The following FAT3 variants were observed in gnomAD, a reference collection of about 807,000 sequenced individuals.
FAT3 encodes the protein protocadherin Fat 3.
In FAT3, 95 loss-of-function variants were observed where a neutral mutation model predicts 310.2. The observed-to-expected ratio is 0.31, with a 90% confidence interval of 0.26 to 0.36. FAT3 has a LOEUF of 0.36. Among genes scored for constraint, FAT3 ranks in the 10% least tolerant of loss-of-function variants. FAT3 has a pLI of 1.00. For synonymous variants in FAT3, 2,314 were observed against 2,192.9 expected, an observed-to-expected ratio of 1.06 and a Z score of -1.54; for missense variants, 5,408 against 5,715.6, an observed-to-expected ratio of 0.95 and a Z score of 1.74.
intron 21 of FAT3, among the ~76,000 whole-genome samples, chr11:92,861,554 A>C (rs1008072018): frequency 6.6e-6 from 1 of 152,246 alleles, no homozygotes; most frequent in Non-Finnish European, 1.5e-5. Context: ...GATGGATGCT[A>C]TTTGAAGGAA....
intron 3 of FAT3, among the ~76,000 whole-genome samples, chr11:92,629,915 C>T (rs1263815976): frequency 6.6e-6 from 1 of 152,130 alleles, no homozygotes; most frequent in Non-Finnish European, 1.5e-5. Flanking sequence ...ATTTGTAGGT[C>T]TCCATTCAGA....
chr11:92,748,269 C>T (rs1203932063), intron 4 of FAT3, among the ~76,000 whole-genome samples: 4 of 151,994 alleles, frequency 2.6e-5, no homozygotes, highest in Admixed American at 2.6e-4. Context: ...CCATCAGATC[C>T]CATAAGACTT....
chr11:92,625,284 G>A (rs1941278450), intron 3 of FAT3, among the ~76,000 whole-genome samples: 1 of 152,088 alleles, frequency 6.6e-6, no homozygotes, highest in Admixed American at 6.6e-5. Context: ...TCTCTCTCTG[G>A]GTTCCTCTTG....
chr11:92,329,027 T>C (rs1947837957), intron 1 of FAT3, among the ~76,000 whole-genome samples: 1 of 152,134 alleles, frequency 6.6e-6, no homozygotes, highest in Non-Finnish European at 1.5e-5. Context: ...TGAAATAAAA[T>C]ATACTATCTT....
At chr11:92,350,439 G>A (rs531302644) in intron 1 of FAT3, among the ~76,000 whole-genome samples, 7 of 151,936 alleles carry the variant, frequency 4.6e-5, no homozygotes, top group Non-Finnish European at 1.0e-4. Context: ...GCTGGGGGCA[G>A]GGATGGGTTG....
intron 3 of FAT3, among the ~76,000 whole-genome samples, chr11:92,608,227 C>T (rs1940394919): frequency 6.6e-6 from 1 of 152,132 alleles, no homozygotes; most frequent in Admixed American, 6.5e-5. Flanking sequence ...AATCTTCAAA[C>T]ATTAATTTAA....
At chr11:92,806,289 T>C in intron 11 of FAT3, 73 bp from the exon 12 acceptor site, 1 of 1,304,406 alleles carries the variant, frequency 7.7e-7, no homozygotes, top group Non-Finnish European at 1.1e-6. Context: ...AAAGAAATCC[T>C]ATATAATGCT....
chr11:92,412,702 G>GATATAT (rs758587642), intron 2 of FAT3, among the ~76,000 whole-genome samples: 227 of 13,324 alleles, frequency 0.017, 9 homozygotes, highest in Non-Finnish European at 0.028. Context: ...TGATGGTGGT[G>GATATAT]ATATATATAT....
chr11:92,867,269 G>A, intron 22 of FAT3, 60 bp downstream of exon 22: 3 of 1,450,640 alleles, frequency 2.1e-6, no homozygotes, highest in Admixed American at 2.2e-5. Context: ...TGAATGAACT[G>A]CAGGGGGATC....
chr11:92,759,631 G>C (rs897057276), intron 4 of FAT3, among the ~76,000 whole-genome samples: 1 of 152,120 alleles, frequency 6.6e-6, no homozygotes, highest in African/African-American at 2.4e-5. Context: ...GCAGTAACAT[G>C]ATGACGAGTG....
intron 3 of FAT3, among the ~76,000 whole-genome samples, chr11:92,620,394 T>A (rs2135665534): frequency 6.6e-6 from 1 of 152,324 alleles, no homozygotes; most frequent in South Asian, 2.1e-4. Context: ...GTTCAAGTCT[T>A]CTATTTTATG....
chr11:92,307,108 T>G (rs1591083288), intron 1 of FAT3, among the ~76,000 whole-genome samples: 1 of 151,868 alleles, frequency 6.6e-6, no homozygotes, highest in East Asian at 1.9e-4. Context: ...TCCACTTAAG[T>G]ATGAATTCAT....
chr11:92,347,471 A>C (rs1415162434), intron 1 of FAT3, among the ~76,000 whole-genome samples: 1 of 152,224 alleles, frequency 6.6e-6, no homozygotes, highest in Non-Finnish European at 1.5e-5. Flanking sequence ...AGTGTTCAGA[A>C]GTCTCACCAA....
intron 4 of FAT3, among the ~76,000 whole-genome samples, chr11:92,734,780 A>G (rs1945293512): frequency 1.3e-5 from 2 of 152,178 alleles, no homozygotes; most frequent in African/African-American, 4.8e-5. Flanking sequence ...CACAGCGTGT[A>G]TGTTTGTTGG....
intron 3 of FAT3, among the ~76,000 whole-genome samples, chr11:92,566,239 A>G (rs915197303): frequency 3.3e-5 from 5 of 152,186 alleles, no homozygotes; most frequent in African/African-American, 9.7e-5. Flanking sequence ...TTATACACCA[A>G]TAACAGACAA....
chr11:92,237,697 G>C (rs1422801439), intron 1 of FAT3, among the ~76,000 whole-genome samples: 3 of 152,054 alleles, frequency 2.0e-5, no homozygotes, highest in African/African-American at 7.2e-5. Context: ...ACACTTTCTT[G>C]CCTCTTGAGC....
chr11:92,584,063 C>G (rs574102284), intron 3 of FAT3, among the ~76,000 whole-genome samples: 3 of 152,072 alleles, frequency 2.0e-5, no homozygotes, highest in African/African-American at 7.2e-5. Flanking sequence ...CTCTTCTTTT[C>G]CTTGTCTAAA....
chr11:92,792,690 T>C (rs1947068169), intron 8 of FAT3, 77 bp from the exon 9 acceptor site: 1 of 1,428,124 alleles, frequency 7.0e-7, no homozygotes, highest in Admixed American at 1.8e-5. Context: ...TCATTTTGTT[T>C]TCACCCCAAA....
At chr11:92,795,552 A>G (rs900080807) in intron 9 of FAT3, among the ~76,000 whole-genome samples, 2 of 151,954 alleles carry the variant, frequency 1.3e-5, no homozygotes, top group African/African-American at 2.4e-5. Context: ...GACCTGATGT[A>G]TCAGCACACC....
Sources: allele counts gnomAD v4.1 joint callset (sites outside exome capture counted in the v4.1 genomes callset), GRCh38; gene constraint gnomAD v4.1.1; transcripts MANE v1.5; gene names NCBI Gene and HGNC (gene_info 2026-07-23, HGNC 2026-07-21).